Variants in DNAH11 observed in about 807,000 individuals in gnomAD.
DNAH11 encodes dynein axonemal heavy chain 11.
Under a neutral mutation model 526.0 loss-of-function variants are expected in DNAH11, and 442 were observed. That is an observed-to-expected ratio of 0.84 (90% confidence interval 0.78 to 0.91). DNAH11 has a LOEUF of 0.91. DNAH11 is among the 40% of genes least tolerant of loss of function. DNAH11 has a pLI of 0.00. For missense variants in DNAH11, 6,989 were observed against 5,448.7 expected (o/e 1.28, Z -8.90); for synonymous variants, 2,461 against 1,935.9 (o/e 1.27, Z -7.12).
chr7:21,563,078 C>A (rs1783530345), intron 5 of DNAH11, among the ~76,000 whole-genome samples: 1 of 152,094 alleles, frequency 6.6e-6, no homozygotes, highest in Non-Finnish European at 1.5e-5. Context: ...TCATGGAGAT[C>A]CATTTAGGGT....
chr7:21,671,275 G>A (rs1315124527), intron 30 of DNAH11, among the ~76,000 whole-genome samples: 1 of 152,100 alleles, frequency 6.6e-6, no homozygotes, highest in African/African-American at 2.4e-5. Context: ...ACAAACCTCT[G>A]GCCAAATCTG....
chr7:21,705,670 G>C (rs1342477520), intron 39 of DNAH11, 133 bp downstream of exon 39: 1 of 791,952 alleles, frequency 1.3e-6, no homozygotes, highest in African/African-American at 1.7e-5. Flanking sequence ...CAGAATCTGA[G>C]ACTGGAATCT....
chr7:21,607,130 T>G lies in DNAH11; in HGVS notation c.3852+397T>G, dbSNP rs1326540285. On this transcript the variant is annotated intron_variant, in intron 20 of 81. Transcript: ENST00000409508. Reference sequence around the variant, plus strand: ...AGCCAGCATTGCGGCCTTGAGTCTGTGGCCAAAGGCCCCAGACTCCCTAGC... The same window carrying G: ...AGCCAGCATTGCGGCCTTGAGTCTGGGGCCAAAGGCCCCAGACTCCCTAGC... Among the ~76,000 whole-genome samples, 3 of 152,278 alleles carry G rather than the reference T, an allele frequency of 2.0e-5. No homozygotes were observed. The South Asian group carries it at 6.2e-4, about 32-fold the overall frequency.
At chr7:21,817,954 A>G (rs1027269987) in intron 64 of DNAH11, among the ~76,000 whole-genome samples, 1 of 152,210 alleles carries the variant, frequency 6.6e-6, no homozygotes, top group Non-Finnish European at 1.5e-5. Context: ...TACAGTTGCT[A>G]TTACAAGCAA....
chr7:21,686,373 C>T (rs1221002507), intron 32 of DNAH11, among the ~76,000 whole-genome samples: 1 of 152,172 alleles, frequency 6.6e-6, no homozygotes, highest in African/African-American at 2.4e-5. Flanking sequence ...AAGAGAAAAA[C>T]AATTTATAAA....
At chr7:21,881,080 C>T (rs929444102) in intron 75 of DNAH11, among the ~76,000 whole-genome samples, 187 bp downstream of exon 75, 3 of 152,088 alleles carry the variant, frequency 2.0e-5, no homozygotes, top group African/African-American at 7.2e-5. Flanking sequence ...GATGTTTGCA[C>T]TTCATGAGAT....
chr7:21,772,769 C>T (rs777558850), intron 55 of DNAH11, among the ~76,000 whole-genome samples: 17 of 152,126 alleles, frequency 1.1e-4, no homozygotes, highest in Non-Finnish European at 2.1e-4. Flanking sequence ...GGGAATTTGT[C>T]GTGATGTTGG....
chr7:21,662,376 C>T (rs1019877401), intron 30 of DNAH11, among the ~76,000 whole-genome samples: 1 of 152,134 alleles, frequency 6.6e-6, no homozygotes, highest in Non-Finnish European at 1.5e-5. Context: ...TGTCATTTAT[C>T]AAACCCTATA....
intron 30 of DNAH11, among the ~76,000 whole-genome samples, chr7:21,674,912 C>T (rs1782810263): frequency 6.6e-6 from 1 of 152,122 alleles, no homozygotes; most frequent in African/African-American, 2.4e-5. Flanking sequence ...CACTAGAAGC[C>T]CGCTTGACTC....
At chr7:21,806,773 G>A (rs968692382) in intron 62 of DNAH11, among the ~76,000 whole-genome samples, 3 of 152,132 alleles carry the variant, frequency 2.0e-5, no homozygotes, top group East Asian at 1.9e-4. Context: ...CTGCAGTTCA[G>A]TCAATCCATA....
intron 25 of DNAH11, among the ~76,000 whole-genome samples, chr7:21,629,504 G>A (rs780806444): frequency 1.8e-4 from 27 of 152,076 alleles, no homozygotes; most frequent in African/African-American, 3.1e-4. Flanking sequence ...AGAATGGGGC[G>A]TTAAAGTCCT....
rs752898983 is a variant in DNAH11 at position 21,861,861 on chromosome 7, C to T, written c.11211C>T (p.Asn3737=). ...CACATTAAATTTCCCAGGCTTTTAA[C>T]GTGCTGTTCCACAGAGCGATCGAGC... ...PLYQFSLKAF[N]VLFHRAIEQA... Residue 3737 remains asparagine, a synonymous_variant, in exon 69 of 82, where the codon AAC becomes AAT. Coordinates refer to ENST00000409508, the MANE Select transcript of DNAH11 (RefSeq NM_001277115.2). 1.6e-5 allele frequency: 26 copies of T among 1,610,490 alleles called. No individual in the cohort carries two copies. The highest frequency in any genetic ancestry group is 3.4e-5 in the Admixed American group (2 of 59,372).
rs184123445 is a variant in DNAH11, at chr7:21,604,893, A to G, written c.3649-1533A>G. 1.3e-3 allele frequency among the ~76,000 whole-genome samples: 193 copies of G among 152,332 alleles called. 2 individuals are homozygous for G. The highest frequency in any genetic ancestry group is 4.1e-3 in the African/African-American group (169 of 41,576). On this transcript the variant is annotated intron_variant, in intron 18 of 81. Transcript: ENST00000409508. ...CTCTGTCTGTACAGAGGGCGGATGCAGAGTTTTGATGAGAAGCCACGAGAG... is the reference window on the plus strand; with the variant it reads ...CTCTGTCTGTACAGAGGGCGGATGCGGAGTTTTGATGAGAAGCCACGAGAG...
At chr7:21,650,925 C>A (rs114420143) in intron 28 of DNAH11, among the ~76,000 whole-genome samples, 4,235 of 150,232 alleles carry the variant, frequency 0.028, 176 homozygotes, top group African/African-American at 0.099. Context: ...TAGGCGTAAG[C>A]CACCGTGCCG....
At chr7:21,693,957 G>A (rs1186938640) in intron 35 of DNAH11, among the ~76,000 whole-genome samples, 3 of 152,132 alleles carry the variant, frequency 2.0e-5, no homozygotes, top group East Asian at 1.9e-4. Context: ...GAACACGCGC[G>A]AGGTGGGGAA....
intron 54 of DNAH11, 36 bp from the exon 55 acceptor site, chr7:21,765,392 C>T: frequency 3.1e-6 from 5 of 1,612,652 alleles, no homozygotes; most frequent in South Asian, 1.1e-5. Context: ...TCATTCATCA[C>T]CCGCCTGTTT....
At position 21,616,477 on chromosome 7, in the gene DNAH11, A is replaced by G. The variant is rs1281524170; in HGVS notation, c.4095+185A>G. Among the ~76,000 whole-genome samples, 14 of 151,968 alleles carry G rather than the reference A, an allele frequency of 9.2e-5. No homozygotes were observed. The East Asian group carries it at 2.7e-3, about 29-fold the overall frequency. ...TTCTAATCAAGCCTGTCTTTCTGTG[A>G]GTGAGTTGATAGAAGCATATTAGGG... On this transcript the variant is annotated intron_variant, in intron 22 of 81. Coordinates refer to ENST00000409508, the MANE Select transcript of DNAH11 (RefSeq NM_001277115.2).
intron 30 of DNAH11, among the ~76,000 whole-genome samples, chr7:21,670,891 T>A (rs1359070260): frequency 6.6e-6 from 1 of 152,002 alleles, no homozygotes; most frequent in Non-Finnish European, 1.5e-5. Flanking sequence ...TGTGTGTGTG[T>A]GTATTTTTGG....
At chr7:21,863,573 G>A (rs536294507) in intron 69 of DNAH11, among the ~76,000 whole-genome samples, 170 of 152,200 alleles carry the variant, frequency 1.1e-3, no homozygotes, top group Non-Finnish European at 2.0e-3. Context: ...TGATCTGCCC[G>A]CCTCTGCCTC....
Sources: allele counts gnomAD v4.1 joint callset (sites outside exome capture counted in the v4.1 genomes callset), GRCh38; gene constraint gnomAD v4.1.1; transcripts MANE v1.5; gene names NCBI Gene and HGNC (gene_info 2026-07-23, HGNC 2026-07-21).